Variants in LRRC36 observed in about 807,000 individuals in gnomAD.
The protein encoded by LRRC36 is leucine rich repeat containing 36, also known as leucine-rich repeat-containing protein 36.
LRRC36 carries 62 observed loss-of-function variants against 81.1 expected under a neutral mutation model. The ratio of observed to expected loss-of-function variants is 0.76; its 90% CI spans 0.62 to 0.94. The LOEUF (loss-of-function observed/expected upper bound fraction) is 0.94. Among genes scored for constraint, LRRC36 ranks in the 40% least tolerant of loss-of-function variants. LRRC36 has a pLI of 0.00. For synonymous variants in LRRC36, 334 were observed against 348.6 expected (o/e 0.96, Z 0.47); for missense variants, 761 against 881.7 (o/e 0.86, Z 1.73).
intron 9 of LRRC36, chr16:67,371,594 G>T: frequency 3.1e-6 from 1 of 321,698 alleles, no homozygotes; most frequent in South Asian, 2.8e-5. Context: ...GCTTCAGGCT[G>T]GGCACAGTGG....
chr16:67,356,417 T>C (rs960698056), intron 5 of LRRC36, among the ~76,000 whole-genome samples: 2 of 152,190 alleles, frequency 1.3e-5, no homozygotes, highest in Admixed American at 6.5e-5. Flanking sequence ...ATCTCTCTTA[T>C]AGAAATCCAG....
Position 67,375,318 on chromosome 16 carries a change from C to T in LRRC36, c.1566C>T (p.Thr522=). ...ACAGTCCCCCCATCTCTGCCAGAAC[C>T]CCCCATGTGGCCACTGTCCTCAGAC... ...GNHSPPISAR[T]PHVATVLRQL... The change falls in exon 10 of 14, where the codon ACC becomes ACT. Residue 522 remains threonine (T), a synonymous_variant. Transcript: ENST00000329956. The T allele has an allele frequency of 1.2e-6, 2 of 1,612,768 alleles. No individual in the cohort carries two copies. The highest frequency in any genetic ancestry group is 1.1e-5 in the South Asian group (1 of 91,026).
At chr16:67,365,221 G>A in intron 6 of LRRC36, 83 bp from the exon 7 acceptor site, 1 of 771,774 alleles carries the variant, frequency 1.3e-6, no homozygotes, top group South Asian at 1.6e-5. Flanking sequence ...TTAATAGGAA[G>A]GTATTCTGAA....
intron 4 of LRRC36, 63 bp from the exon 5 acceptor site, chr16:67,350,139 A>T: frequency 1.8e-6 from 2 of 1,100,208 alleles, no homozygotes; most frequent in Non-Finnish European, 2.7e-6. Context: ...AATAGCATTT[A>T]CTGGTGATCT....
intron 7 of LRRC36, 132 bp downstream of exon 7, chr16:67,365,487 G>T: frequency 1.4e-6 from 1 of 712,098 alleles, no homozygotes; most frequent in Non-Finnish European, 2.4e-6. Flanking sequence ...TTTTGTGAGG[G>T]ACTGTCCTGG....
intron 2 of LRRC36, among the ~76,000 whole-genome samples, chr16:67,342,702 GTTTTC>G (rs889547285): frequency 3.3e-5 from 5 of 152,144 alleles, no homozygotes; most frequent in Admixed American, 3.3e-4. Context: ...ATGGAGTTTT[GTTTTC>G]TTTGTGGTAG....
intron 11 of LRRC36, among the ~76,000 whole-genome samples, chr16:67,378,178 C>A (rs1427175814): frequency 4.0e-5 from 6 of 149,846 alleles, no homozygotes; most frequent in Admixed American, 3.3e-4. Flanking sequence ...ATCAGTTTAT[C>A]ACTAAATAGA....
intron 9 of LRRC36, chr16:67,371,482 A>G (rs1184961735): frequency 1.9e-6 from 1 of 539,022 alleles, no homozygotes; most frequent in African/African-American, 1.9e-5. Context: ...TCCCTGATCT[A>G]CTTCCGGCTG....
At position 67,365,495 on chromosome 16, in the gene LRRC36, T is replaced by C. The variant is rs944129198; in HGVS notation, c.754+140T>C. The C allele has an allele frequency of 2.8e-5, 18 of 648,598 alleles. No individual in the cohort carries two copies. The East Asian group carries it at 4.0e-4, about 14-fold the overall frequency. 40.2% of individuals were successfully genotyped at this position (648,598 alleles called of 1,614,324 possible). A position where few individuals can be genotyped will look rare whatever the true frequency, so the allele number is the denominator to read the frequency against. On this transcript the variant is annotated intron_variant, in intron 7 of 13. Transcript: ENST00000329956. ...TTTCTGCTTTTGTGAGGGACTGTCC[T>C]GGATGATTAGTAACCTGTGAGACTT...
At chr16:67,326,969 A>G in intron 1 of LRRC36, 37 bp downstream of exon 1, 2 of 1,475,748 alleles carry the variant, frequency 1.4e-6, no homozygotes, top group Non-Finnish European at 1.8e-6. Flanking sequence ...CTGGGAACGT[A>G]GGGTCAGAAG....
chr16:67,356,971 A>G (rs2038932495), intron 5 of LRRC36, among the ~76,000 whole-genome samples: 1 of 152,146 alleles, frequency 6.6e-6, no homozygotes, highest in African/African-American at 2.4e-5. Context: ...AAAATAGGTA[A>G]TAATAAGGAT....
intron 1 of LRRC36, among the ~76,000 whole-genome samples, chr16:67,331,501 G>A (rs1455619215): frequency 6.6e-6 from 1 of 152,204 alleles, no homozygotes; most frequent in Non-Finnish European, 1.5e-5. Context: ...CTCCAGCCTA[G>A]TTGACAGAGC....
At chr16:67,355,362 TC>T (rs2038848529) in intron 5 of LRRC36, among the ~76,000 whole-genome samples, 2 of 140,310 alleles carry the variant, frequency 1.4e-5, no homozygotes, top group Non-Finnish European at 3.0e-5. Context: ...TTTTAAGATG[TC>T]TTTTTTTTTT....
intron 3 of LRRC36, 73 bp downstream of exon 3, chr16:67,346,521 T>C: frequency 2.0e-6 from 2 of 978,668 alleles, no homozygotes; most frequent in East Asian, 5.0e-5. Flanking sequence ...CTTTTGGATG[T>C]TGGCCCACAG....
intron 4 of LRRC36, among the ~76,000 whole-genome samples, chr16:67,348,123 A>G (rs1231712086): frequency 6.6e-6 from 1 of 152,200 alleles, no homozygotes; most frequent in African/African-American, 2.4e-5. Context: ...TCTACCCCCA[A>G]ACCTATGCTT....
intron 6 of LRRC36, chr16:67,365,068 T>C: frequency 2.2e-6 from 1 of 458,162 alleles, no homozygotes; most frequent in Non-Finnish European, 3.9e-6. Flanking sequence ...GAAAGTACAG[T>C]CATTGTTTGC....
chr16:67,343,340 T>C (rs1436926974), intron 2 of LRRC36, among the ~76,000 whole-genome samples: 1 of 151,996 alleles, frequency 6.6e-6, no homozygotes, highest in Non-Finnish European at 1.5e-5. Flanking sequence ...GCAGGCAGAT[T>C]GCTTGAGCCC....
intron 5 of LRRC36, among the ~76,000 whole-genome samples, chr16:67,362,763 T>C (rs995989166): frequency 7.1e-6 from 1 of 141,818 alleles, no homozygotes; most frequent in Non-Finnish European, 1.5e-5. Flanking sequence ...CTCTTTTTTT[T>C]GTTTTTGTTG....
chr16:67,353,867 A>C (rs2038772058), intron 5 of LRRC36, among the ~76,000 whole-genome samples: 1 of 152,196 alleles, frequency 6.6e-6, no homozygotes, highest in South Asian at 2.1e-4. Context: ...AGTCCTCTTA[A>C]CCATTACATG....
Sources: allele counts gnomAD v4.1 joint callset (sites outside exome capture counted in the v4.1 genomes callset), GRCh38; gene constraint gnomAD v4.1.1; transcripts MANE v1.5; gene names NCBI Gene and HGNC (gene_info 2026-07-23, HGNC 2026-07-21).